TRPV1: variants seen among roughly 807,000 people sequenced by gnomAD.
TRPV1 encodes transient receptor potential cation channel subfamily V member 1, also known as OTRPC1.
A neutral mutation model predicts 82.3 loss-of-function variants in TRPV1; 82 were observed. That is an observed-to-expected ratio of 1.00 (90% CI 0.83 to 1.20). The LOEUF (loss-of-function observed/expected upper bound fraction) is 1.20. Among genes scored for constraint, TRPV1 ranks in the 50% most tolerant of loss-of-function variants. TRPV1 has a pLI of 0.00. For synonymous variants in TRPV1, 515 were observed against 467.7 expected, an observed-to-expected ratio of 1.10 and a Z score of -1.30; for missense variants, 1,067 against 1,096.8, an observed-to-expected ratio of 0.97 and a Z score of 0.38.
At chr17:3,594,127 CAAA>C (rs57620622) in intron 2 of TRPV1, among the ~76,000 whole-genome samples, 1 of 46,482 alleles carries the variant, frequency 2.2e-5, no homozygotes. Context: ...AACTCTGTCT[CAAA>C]AAAAAAAAAA....
At chr17:3,577,296 G>C in intron 12 of TRPV1, 104 bp from the exon 13 acceptor site, 1 of 1,280,990 alleles carries the variant, frequency 7.8e-7, no homozygotes, top group Non-Finnish European at 1.1e-6. Context: ...GAACGTGCAG[G>C]GCGGTTTGCT....
At chr17:3,589,526 C>T (rs1567669644) in intron 7 of TRPV1, among the ~76,000 whole-genome samples, 1 of 152,108 alleles carries the variant, frequency 6.6e-6, no homozygotes, top group South Asian at 2.1e-4. Context: ...CTGTTCCACC[C>T]TAGGCAGTCC....
chr17:3,589,106 C>A, intron 7 of TRPV1: 1 of 745,496 alleles, frequency 1.3e-6, no homozygotes, highest in Non-Finnish European at 2.3e-6. Flanking sequence ...CAGGAGCCAC[C>A]AGCTGGAGCT....
Position 3,588,278 on chromosome 17 carries a change from CACGGGCCCGTAGGCCCACTCGGTGA to C in TRPV1, c.1109_1133del (p.Phe370CysfsTer22), listed in dbSNP as rs1429209108. The stretch of plus-strand genomic sequence containing the variant: ...AGGACAGGTCGTACAGCGAGGAGTG[CACGGGCCCGTAGGCCCACTCGGTGA>C]ACTTCCTGGACAGGTGCCTGCACTC... On this transcript the variant is annotated frameshift_variant, in exon 8 of 17. Coordinates refer to ENST00000572705, the MANE Select transcript of TRPV1 (RefSeq NM_080704.4). LOFTEE classifies it high-confidence loss of function. The C allele has an allele frequency of 6.3e-7, 1 of 1,579,822 alleles. No homozygotes were observed. The highest frequency in any genetic ancestry group is 8.6e-7 in the Non-Finnish European group (1 of 1,163,552).
Position 3,566,777 on chromosome 17 carries a change from T to G in TRPV1, c.*38A>C. ...AGCCCCCCGTGGCAACGGGGTCTCC[T>G]AAGGCCCAGTGTTGACAGTGCTGTC... On this transcript the variant is annotated 3_prime_UTR_variant, in exon 17 of 17. Coordinates refer to ENST00000572705, the MANE Select transcript of TRPV1 (RefSeq NM_080704.4). The G allele has an allele frequency of 6.2e-7, 1 of 1,604,608 alleles. No homozygotes were observed. Among genetic ancestry groups the G allele is most frequent in the Non-Finnish European group, 8.5e-7 (1 of 1,174,894 alleles).
chr17:3,580,627 G>A (rs561799864), intron 10 of TRPV1, 100 bp from the exon 11 acceptor site: 37 of 1,234,616 alleles, frequency 3.0e-5, no homozygotes, highest in Admixed American at 1.2e-4. Context: ...TGGGGTGGTC[G>A]AATGTGTGAA....
In TRPV1 at chr17:3,590,047, C is replaced by A; in HGVS notation, c.804G>T (p.Leu268=). 6.3e-7 allele frequency: 1 copy of A among 1,591,252 alleles called. No homozygotes were observed. Among genetic ancestry groups the A allele is most frequent in the Non-Finnish European group, 8.6e-7 (1 of 1,169,446 alleles). The stretch of plus-strand genomic sequence containing the variant: ...CGGCCGTCTGCCAGGAGTTCTGCAG[C>A]AGGAACTTCACGATGCCCAGCTGGT... ...CTNQLGIVKF[L]LQNSWQTADI... The change falls in exon 7 of 17, where the codon CTG becomes CTT. Residue 268 remains leucine (L), a synonymous_variant. Transcript: ENST00000572705.
chr17:3,594,624 G>T (rs1483837475), intron 2 of TRPV1, among the ~76,000 whole-genome samples: 1 of 152,206 alleles, frequency 6.6e-6, no homozygotes, highest in Non-Finnish European at 1.5e-5. Context: ...CCATCAGGTG[G>T]ACCCCCTGCA....
intron 16 of TRPV1, among the ~76,000 whole-genome samples, chr17:3,569,983 A>AGGGGTTAGGG (rs2074829187): frequency 2.2e-5 from 3 of 136,224 alleles, no homozygotes; most frequent in South Asian, 2.1e-4. Flanking sequence ...GGAGGGGCCA[A>AGGGGTTAGGG]GCGGTCAGGG....
chr17:3,606,902 G>T (rs465484), intron 2 of TRPV1, among the ~76,000 whole-genome samples: 1 of 152,130 alleles, frequency 6.6e-6, no homozygotes, highest in African/African-American at 2.4e-5. Flanking sequence ...TGCATGCTGG[G>T]CAGGCGAGAC....
At position 3,589,830 on chromosome 17, in the gene TRPV1, C is replaced by T; in HGVS notation, c.1021G>A (p.Ala341Thr). ...NKKGMTPLAL[A>T]AGTGKIGVLA... ...ACCCCGATCTTCCCGGTCCCAGCTG[C>T]CAGAGCCAGCGGCGTCATTCCCTTC... Residue 341 changes from alanine to threonine, a missense_variant, in exon 7 of 17, where the codon GCA (alanine) becomes ACA (threonine). Transcript: ENST00000572705. 6.2e-7 allele frequency: 1 copy of T among 1,613,536 alleles called. No individual in the cohort carries two copies. The highest frequency in any genetic ancestry group is 8.5e-7 in the Non-Finnish European group (1 of 1,179,622).
rs765271282 is a variant in TRPV1 at position 3,591,063 on chromosome 17, C to T, written c.505G>A (p.Gly169Arg). ...AGCAGGGGGATGGTGGTGTTCTGTC[C>T]GTCGTGCAGGTTGAGCATGGCTTTC... Reference protein sequence around the residue: ...LLKAMLNLHDGQNTTIPLLLE... With the variant: ...LLKAMLNLHDRQNTTIPLLLE... Residue 169 changes from glycine to arginine, a missense_variant, in exon 5 of 17, where the codon GGA (glycine) becomes AGA (arginine). By Grantham distance (125) the Gly-to-Arg change is moderately radical. Transcript: ENST00000572705. 46 of 1,612,986 alleles carry T rather than the reference C, an allele frequency of 2.9e-5. No homozygotes were observed. Among genetic ancestry groups the T allele is most frequent in the South Asian group, 9.9e-5 (9 of 90,800 alleles).
chr17:3,585,538 A>T, intron 9 of TRPV1: 1 of 530,920 alleles, frequency 1.9e-6, no homozygotes, highest in Non-Finnish European at 3.4e-6. Flanking sequence ...TCAAGGTTAA[A>T]GGAGAGGAAC....
At chr17:3,581,812 G>T in intron 10 of TRPV1, among the ~76,000 whole-genome samples, 1 of 148,550 alleles carries the variant, frequency 6.7e-6, no homozygotes, top group Admixed American at 6.8e-5. Flanking sequence ...TTGAACCCAG[G>T]AGGTGGAGGT....
chr17:3,590,229 G>A, intron 6 of TRPV1, 23 bp downstream of exon 6: 4 of 1,612,128 alleles, frequency 2.5e-6, no homozygotes, highest in Non-Finnish European at 3.4e-6. Context: ...AAAAGATCAG[G>A]GTCTGCCACA....
chr17:3,602,517 C>G (rs970793986), intron 2 of TRPV1, among the ~76,000 whole-genome samples: 10 of 152,130 alleles, frequency 6.6e-5, no homozygotes, highest in Non-Finnish European at 1.3e-4. Context: ...TAATGATGTA[C>G]CCATTAAAAC....
chr17:3,569,105 C>T (rs867165936), intron 16 of TRPV1, among the ~76,000 whole-genome samples: 1 of 144,066 alleles, frequency 6.9e-6, no homozygotes. Flanking sequence ...CATCACACAC[C>T]GGGGCCTGTT....
At chr17:3,581,991 C>G (rs1159390627) in intron 10 of TRPV1, among the ~76,000 whole-genome samples, 2 of 147,100 alleles carry the variant, frequency 1.4e-5, no homozygotes, top group African/African-American at 5.0e-5. Context: ...GAGATCGAGA[C>G]CATCCTGGCT....
At chr17:3,608,680 G>A (rs2075316293) in intron 1 of TRPV1, 115 bp from the exon 2 acceptor site, 1 of 152,176 alleles carries the variant, frequency 6.6e-6, no homozygotes, top group Non-Finnish European at 1.5e-5. Context: ...GTGACACCGT[G>A]GATAAGGGGG....
Sources: gnomAD v4.1 joint callset for allele counts (sites outside exome capture counted in the v4.1 genomes callset) on GRCh38, gnomAD v4.1.1 for gene constraint, MANE v1.5 for transcripts, NCBI Gene and HGNC (gene_info 2026-07-23, HGNC 2026-07-21) for gene names.